The following HERC3 variants were observed in gnomAD, a reference collection of about 807,000 sequenced individuals.
The protein encoded by HERC3 is probable E3 ubiquitin-protein ligase HERC3.
HERC3 carries 58 observed loss-of-function variants against 129.9 expected under a neutral mutation model. The ratio of observed to expected loss-of-function variants is 0.45; its 90% CI spans 0.36 to 0.56. The LOEUF (loss-of-function observed/expected upper bound fraction) is 0.56. HERC3 is among the 20% of genes least tolerant of loss of function. HERC3 has a pLI of 0.00. For missense variants in HERC3, 835 were observed against 1,244.2 expected (o/e 0.67, Z 4.95); for synonymous variants, 430 against 451.0 (o/e 0.95, Z 0.59).
At chr4:88,699,955 C>G (rs545550180) in intron 23 of HERC3, among the ~76,000 whole-genome samples, 82 of 152,178 alleles carry the variant, frequency 5.4e-4, no homozygotes, top group African/African-American at 1.8e-3. Context: ...AGTAAATAGT[C>G]CCCTAAAAGT....
At chr4:88,702,032 C>T (rs1187945469) in intron 23 of HERC3, among the ~76,000 whole-genome samples, 1 of 152,052 alleles carries the variant, frequency 6.6e-6, no homozygotes, top group East Asian at 1.9e-4. Flanking sequence ...GGGCTGAAGC[C>T]ATCTGCCTGC....
At chr4:88,678,692 A>T (rs1732426636) in intron 19 of HERC3, among the ~76,000 whole-genome samples, 3 of 152,198 alleles carry the variant, frequency 2.0e-5, no homozygotes. Flanking sequence ...AATTATATGA[A>T]ATTGTTTAAA....
the HERC3 span, among the ~76,000 whole-genome samples, chr4:88,540,534 C>G: frequency 6.6e-6 from 1 of 152,166 alleles, no homozygotes; most frequent in African/African-American, 2.4e-5. Context: ...AGGATATTAT[C>G]AAGGAGAACT....
chr4:88,535,256 C>CT, the HERC3 span, among the ~76,000 whole-genome samples: 1 of 152,204 alleles, frequency 6.6e-6, no homozygotes, highest in African/African-American at 2.4e-5. Context: ...GGCCTGCCAG[C>CT]ACCTAGGGCA....
chr4:88,650,232 C>G (rs761217325), intron 4 of HERC3, among the ~76,000 whole-genome samples: 23 of 152,070 alleles, frequency 1.5e-4, no homozygotes, highest in Non-Finnish European at 2.9e-4. Flanking sequence ...ATTCTAGTAG[C>G]CTGTTTGCTT....
intron 9 of HERC3, among the ~76,000 whole-genome samples, chr4:88,658,109 T>C (rs1056255979): frequency 2.0e-5 from 3 of 152,134 alleles, no homozygotes; most frequent in African/African-American, 7.2e-5. Context: ...ATAGTGCCCA[T>C]TTCAGATTTC....
chr4:88,655,176 T>C lies in HERC3; in HGVS notation c.780T>C (p.Ser260=), dbSNP rs756202098. 6 of 1,613,632 alleles carry C rather than the reference T, an allele frequency of 3.7e-6. No individual in the cohort carries two copies. The African/African-American group carries it at 5.3e-5, about 14-fold the overall frequency. ...GEEHTAVLTK[S]GGVFTFGAGS... ...CTATGGTGTTTGTTCCTTGTTAGAG[T>C]GGAGGTGTGTTTACCTTTGGCGCTG... Residue 260 remains serine (S), a splice_region_variant and synonymous_variant, in exon 8 of 26, where the codon AGT becomes AGC. Transcript: ENST00000402738.
chr4:88,569,462 G>T, the HERC3 span, among the ~76,000 whole-genome samples: 18 of 152,320 alleles, frequency 1.2e-4, no homozygotes, highest in Non-Finnish European at 2.4e-4. Context: ...TTCTTATGAA[G>T]GTACTTTCTT....
the HERC3 span, among the ~76,000 whole-genome samples, chr4:88,537,902 T>C: frequency 6.6e-6 from 1 of 152,238 alleles, no homozygotes; most frequent in East Asian, 1.9e-4. Flanking sequence ...GCAGCAGAAC[T>C]GTTGTTTCTG....
intron 1 of HERC3, among the ~76,000 whole-genome samples, chr4:88,595,092 C>A (rs2149168001): frequency 9.2e-6 from 1 of 108,878 alleles, no homozygotes; most frequent in African/African-American, 3.5e-5. Flanking sequence ...AAGAGCCAGA[C>A]TCTGTCTCAA....
chr4:88,557,627 GA>G, the HERC3 span, among the ~76,000 whole-genome samples: 6 of 152,062 alleles, frequency 3.9e-5, no homozygotes, highest in Admixed American at 2.0e-4. Context: ...ATTATATAAA[GA>G]ATAAAGTCCA....
the HERC3 span, among the ~76,000 whole-genome samples, chr4:88,533,914 A>G: frequency 1.6e-4 from 25 of 152,302 alleles, 1 homozygote; most frequent in Middle Eastern, 3.4e-3. Flanking sequence ...AGTGCTATGT[A>G]CCTTCACTAT....
chr4:88,658,255 G>A, intron 9 of HERC3, 160 bp from the exon 10 acceptor site: 1 of 493,840 alleles, frequency 2.0e-6, no homozygotes, highest in Non-Finnish European at 3.6e-6. Flanking sequence ...AGTAGAAACA[G>A]TCCTAGGCAG....
intron 3 of HERC3, among the ~76,000 whole-genome samples, chr4:88,641,482 TAGA>T (rs1728084619): frequency 6.6e-6 from 1 of 152,166 alleles, no homozygotes; most frequent in African/African-American, 2.4e-5. Flanking sequence ...TTATTGAAGA[TAGA>T]AGAACAATAG....
At chr4:88,563,139 A>G in the HERC3 span, among the ~76,000 whole-genome samples, 1 of 152,166 alleles carries the variant, frequency 6.6e-6, no homozygotes. Context: ...ATGTACATGG[A>G]ATATCTTTCC....
the HERC3 span, among the ~76,000 whole-genome samples, chr4:88,560,668 T>C: frequency 6.6e-6 from 1 of 152,214 alleles, no homozygotes; most frequent in African/African-American, 2.4e-5. Context: ...CCAAGGACAA[T>C]GTCCAGGAGC....
At chr4:88,611,553 G>T (rs532002585) in intron 3 of HERC3, among the ~76,000 whole-genome samples, 8 of 152,274 alleles carry the variant, frequency 5.3e-5, no homozygotes, top group Admixed American at 5.2e-4. Context: ...TGCCCAGATT[G>T]GTTGACTTTG....
At chr4:88,598,320 C>T (rs1220531471) in intron 2 of HERC3, among the ~76,000 whole-genome samples, 3 of 152,042 alleles carry the variant, frequency 2.0e-5, no homozygotes, top group Non-Finnish European at 2.9e-5. Context: ...ATTTATCTCC[C>T]CACCGCCCTC....
rs765380047 is a variant in HERC3, at chr4:88,706,893, G to A, written c.3086G>A (p.Ser1029Asn). The part of the protein sequence containing the change: ...YNLLDLPKYS[S>N]KEILSARLTQ... ...CTTCTTGACCTCCCCAAGTACAGCAGCAAAGAGATTCTGAGTGCCCGGCTG... is the reference window on the plus strand; with the variant it reads ...CTTCTTGACCTCCCCAAGTACAGCAACAAAGAGATTCTGAGTGCCCGGCTG... The change falls in exon 26 of 26, where the codon AGC becomes AAC. Residue 1029 changes from serine (S) to asparagine (N), a missense_variant. Ser to Asn is a conservative substitution (Grantham distance 46). Transcript: ENST00000402738. 1.2e-6 allele frequency: 2 copies of A among 1,614,176 alleles called. No homozygotes were observed. Among genetic ancestry groups the A allele is most frequent in the Admixed American group, 1.7e-5 (1 of 60,018 alleles).
Sources: gnomAD v4.1 joint callset for allele counts (sites outside exome capture counted in the v4.1 genomes callset) on GRCh38, gnomAD v4.1.1 for gene constraint, MANE v1.5 for transcripts, NCBI Gene and HGNC (gene_info 2026-07-23, HGNC 2026-07-21) for gene names.